SOS1: variants seen among roughly 807,000 people sequenced by gnomAD.
SOS1 encodes son of sevenless homolog 1.
SOS1 carries 25 observed loss-of-function variants against 157.6 expected under a neutral mutation model. That is an observed-to-expected ratio of 0.16 (90% CI 0.12 to 0.22). The LOEUF is 0.22. Among genes scored for constraint, SOS1 ranks in the 10% least tolerant of loss-of-function variants. SOS1 has a pLI of 1.00. For missense variants in SOS1, 1,237 were observed against 1,599.1 expected, an observed-to-expected ratio of 0.77 and a Z score of 3.86; for synonymous variants, 528 against 534.0, an observed-to-expected ratio of 0.99 and a Z score of 0.16.
intron 2 of SOS1, 132 bp from the exon 3 acceptor site, chr2:39,058,936 A>T (rs1382063103): frequency 3.8e-5 from 26 of 693,218 alleles, no homozygotes; most frequent in Non-Finnish European, 6.3e-5. Flanking sequence ...CATTACAAAC[A>T]TATGAAGCTA....
At chr2:39,037,031 G>A (rs917301154) in intron 6 of SOS1, among the ~76,000 whole-genome samples, 5 of 152,176 alleles carry the variant, frequency 3.3e-5, no homozygotes, top group African/African-American at 9.7e-5. Flanking sequence ...ATCAGAAGAC[G>A]TGAGTTCTGG....
Position 39,120,470 on chromosome 2 carries a change from G to A in SOS1, c.-48C>T. 6.7e-7 allele frequency: 1 copy of A among 1,495,550 alleles called. No homozygotes were observed. Among genetic ancestry groups the A allele is most frequent in the South Asian group, 1.2e-5 (1 of 80,288 alleles). 92.6% of individuals were successfully genotyped at this position (1,495,550 alleles called of 1,614,324 possible). ...GCGGGGAGAGGGGCGGCGGCGGCCG[G>A]GCCAGGGAGCCGCGAGAGGGCGAGC... On this transcript the variant is annotated 5_prime_UTR_variant, in exon 1 of 23. Coordinates refer to ENST00000402219, the MANE Select transcript of SOS1 (RefSeq NM_005633.4).
intron 1 of SOS1, among the ~76,000 whole-genome samples, chr2:39,096,917 A>G (rs186788866): frequency 1.3e-5 from 2 of 152,172 alleles, no homozygotes; most frequent in Admixed American, 1.3e-4. Flanking sequence ...TGAAATACAT[A>G]TTTACTTTTC....
chr2:39,080,183 T>TG (rs1015537746), intron 1 of SOS1, among the ~76,000 whole-genome samples: 7 of 151,286 alleles, frequency 4.6e-5, no homozygotes, highest in South Asian at 4.2e-4. Flanking sequence ...TGGTCCCATA[T>TG]GGGGGGGAAT....
At chr2:39,001,860 G>T (rs750294665) in intron 17 of SOS1, among the ~76,000 whole-genome samples, 2 of 152,180 alleles carry the variant, frequency 1.3e-5, no homozygotes, top group Non-Finnish European at 2.9e-5. Context: ...TGGGCAAGAA[G>T]AAAGGGGTAC....
chr2:39,044,694 T>G (rs1670689854), intron 6 of SOS1, among the ~76,000 whole-genome samples: 2 of 152,172 alleles, frequency 1.3e-5, no homozygotes, highest in African/African-American at 4.8e-5. Flanking sequence ...AACCCTTGCG[T>G]ACTCAGGGCT....
Position 39,058,724 on chromosome 2 carries a change from C to T in SOS1, c.294G>A (p.Lys98=), listed in dbSNP as rs748478952. ...CTGGGAGAGATAAAGGGTTTCTTCG[C>T]TTCCTCTTTTCAATAGCTGATTGGG... ...ADAQSAIEKR[K]RRNPLSLPVE... is the part of the protein sequence containing the mutation. The change falls in exon 3 of 23, where the codon AAG becomes AAA. Residue 98 remains lysine (K), a synonymous_variant. Coordinates refer to ENST00000402219, the MANE Select transcript of SOS1 (RefSeq NM_005633.4). The T allele has an allele frequency of 2.9e-5, 46 of 1,612,720 alleles. No individual in the cohort carries two copies. In the South Asian group the frequency reaches 5.1e-4, roughly 18 times the overall value.
chr2:39,116,187 A>AAAG (rs10700925), intron 1 of SOS1, among the ~76,000 whole-genome samples: 2 of 152,258 alleles, frequency 1.3e-5, no homozygotes, highest in South Asian at 2.1e-4. Flanking sequence ...GAATAACCCA[A>AAAG]ACTTTTAAGT....
Position 38,995,142 on chromosome 2 carries a change from A to G in SOS1, c.3327T>C (p.His1109=), listed in dbSNP as rs764765041. Residue 1109 remains histidine, a synonymous_variant, in exon 20 of 23, where the codon CAT becomes CAC. Coordinates refer to ENST00000402219, the MANE Select transcript of SOS1 (RefSeq NM_005633.4). ...TDVCSVFDSD[H]SSPFHSSNDT... The stretch of plus-strand genomic sequence containing the variant: ...ACCTACTTGAGTGAAAAGGGCTCGA[A>G]TGATCGGAATCAAATACACTGCAAA... 6.2e-7 allele frequency: 1 copy of G among 1,614,058 alleles called. No individual in the cohort carries two copies. The highest frequency in any genetic ancestry group is 1.1e-5 in the South Asian group (1 of 91,070).
rs1669882332 is a variant in SOS1 at position 39,024,119 on chromosome 2, C to G, written c.1093G>C (p.Glu365Gln). The G allele has an allele frequency of 6.2e-7, 1 of 1,611,362 alleles. No individual in the cohort carries two copies. The highest frequency in any genetic ancestry group is 1.3e-5 in the African/African-American group (1 of 74,850). Residue 365 changes from glutamate to glutamine, a missense_variant, in exon 9 of 23, where the codon GAA (glutamate) becomes CAA (glutamine). This residue lies in a region of SOS1 where 101 missense variants were observed against 171.5 expected (regional missense o/e 0.59). Coordinates refer to ENST00000402219, the MANE Select transcript of SOS1 (RefSeq NM_005633.4). Reference sequence around the variant, plus strand: ...AAACATTCCTTGTCTTCTTGATCTTCACTTTTTTCTTCTAACTGCTGTAAA... The same window carrying G: ...AAACATTCCTTGTCTTCTTGATCTTGACTTTTTTCTTCTAACTGCTGTAAA... ...ELLKQLEEKS[E>Q]DQEDKECLKQ...
At chr2:39,089,798 C>G (rs1201532412) in intron 1 of SOS1, among the ~76,000 whole-genome samples, 1 of 151,762 alleles carries the variant, frequency 6.6e-6, no homozygotes, top group Non-Finnish European at 1.5e-5. Flanking sequence ...TTTCTGAGAT[C>G]TGAATCTCAC....
intron 9 of SOS1, among the ~76,000 whole-genome samples, chr2:39,023,482 A>G (rs188130320): frequency 3.9e-5 from 6 of 152,228 alleles, no homozygotes; most frequent in Non-Finnish European, 7.4e-5. Flanking sequence ...GATTATTTCT[A>G]TCTTGGCTAC....
chr2:39,123,007 C>CT (rs1216009614), upstream of SOS1, among the ~76,000 whole-genome samples: 1 of 152,190 alleles, frequency 6.6e-6, no homozygotes, highest in African/African-American at 2.4e-5. Flanking sequence ...AGGCGTGCAT[C>CT]TGGCTCCTGC....
intron 4 of SOS1, among the ~76,000 whole-genome samples, 163 bp from the exon 5 acceptor site, chr2:39,054,986 C>G (rs569422896): frequency 1.7e-4 from 26 of 152,318 alleles, no homozygotes; most frequent in South Asian, 1.7e-3. Flanking sequence ...CACAGCTTCT[C>G]TAAAACAGAA....
At chr2:38,988,736 A>T (rs1279933900) in intron 21 of SOS1, among the ~76,000 whole-genome samples, 1 of 152,140 alleles carries the variant, frequency 6.6e-6, no homozygotes, top group East Asian at 1.9e-4. Flanking sequence ...GAATTTAGTG[A>T]CTTGTTAGTT....
chr2:39,027,588 TAC>T lies in SOS1; in HGVS notation c.1075-3453_1075-3452del, dbSNP rs529969246. ...CATCAAAAGGGTGGCTTATTGTGGCTACAGAGACAAAGCAGTGGCAATTAGTA... is the reference window on the plus strand; with the variant it reads ...CATCAAAAGGGTGGCTTATTGTGGCTAGAGACAAAGCAGTGGCAATTAGTA... On this transcript the variant is annotated intron_variant, in intron 8 of 22. Coordinates refer to ENST00000402219, the MANE Select transcript of SOS1 (RefSeq NM_005633.4). 5.6e-4 allele frequency among the ~76,000 whole-genome samples: 85 copies of T among 152,302 alleles called. 1 individual carries two copies. The highest frequency in any genetic ancestry group is 3.5e-3 in the South Asian group (17 of 4,822).
chr2:39,026,087 T>C (rs1410761481), intron 8 of SOS1, among the ~76,000 whole-genome samples: 1 of 152,218 alleles, frequency 6.6e-6, no homozygotes, highest in Admixed American at 6.5e-5. Context: ...CTGGGCACGG[T>C]GGTTCATGCC....
Position 38,982,468 on chromosome 2 carries a change from A to G in SOS1, c.*3356T>C, listed in dbSNP as rs1179295141. On this transcript the variant is annotated 3_prime_UTR_variant, in exon 23 of 23. Coordinates refer to ENST00000402219, the MANE Select transcript of SOS1 (RefSeq NM_005633.4). The stretch of plus-strand genomic sequence containing the variant: ...CTGCATAATTCTTTCAGCCAAACCA[A>G]TATTAACCTTGTGATGTTTAGTTAC... 6.6e-6 allele frequency: 1 copy of G among 152,176 alleles called. No homozygotes were observed. Among genetic ancestry groups the G allele is most frequent in the Non-Finnish European group, 1.5e-5 (1 of 68,018 alleles). 9.4% of individuals were successfully genotyped at this position (152,176 alleles called of 1,614,324 possible).
At position 39,001,726 on chromosome 2, in the gene SOS1, G is replaced by A. The variant is rs150346042; in HGVS notation, c.2792-4301C>T. ...CCACCGGATCAGAACTGTATGAAAG[G>A]CTGTCTAACTCCAGAGACTGGTAAC... On this transcript the variant is annotated intron_variant, in intron 17 of 22. Coordinates refer to ENST00000402219, the MANE Select transcript of SOS1 (RefSeq NM_005633.4). Among the ~76,000 whole-genome samples, 167 of 152,222 alleles carry A rather than the reference G, an allele frequency of 1.1e-3. 1 individual carries two copies. Among genetic ancestry groups the A allele is most frequent in the Non-Finnish European group, 2.2e-3 (149 of 67,998 alleles).
Sources: gnomAD v4.1 joint callset for allele counts (sites outside exome capture counted in the v4.1 genomes callset) on GRCh38, gnomAD v4.1.1 for gene constraint, gnomAD v4.1.1 regional missense constraint, MANE v1.5 for transcripts, NCBI Gene and HGNC (gene_info 2026-07-23, HGNC 2026-07-21) for gene names.